FOCAD: variants seen among roughly 807,000 people sequenced by gnomAD.
FOCAD encodes KIAA1797.
FOCAD carries 198 observed loss-of-function variants against 225.6 expected under a neutral mutation model. The observed-to-expected ratio is 0.88, with a 90% CI of 0.78 to 0.99. The LOEUF is 0.99. FOCAD is among the 50% of genes least tolerant of loss of function. The pLI, the probability that FOCAD is intolerant of heterozygous loss-of-function variation, is 0.00. For synonymous variants in FOCAD, 897 were observed against 755.0 expected (o/e 1.19, Z -3.08); for missense variants, 2,713 against 2,123.6 (o/e 1.28, Z -5.46).
At chr9:20,855,639 T>C (rs1457386007) in intron 15 of FOCAD, among the ~76,000 whole-genome samples, 1 of 151,606 alleles carries the variant, frequency 6.6e-6, no homozygotes, top group Non-Finnish European at 1.5e-5. Flanking sequence ...TTTGAAAATA[T>C]AAAATAAATT....
chr9:20,760,897 A>G (rs918574823), intron 6 of FOCAD, among the ~76,000 whole-genome samples: 1 of 152,160 alleles, frequency 6.6e-6, no homozygotes, highest in African/African-American at 2.4e-5. Flanking sequence ...TAATGAGTAT[A>G]TGAGTAGCGA....
chr9:20,686,705 A>T (rs1047332651), intron 1 of FOCAD, among the ~76,000 whole-genome samples: 18 of 152,178 alleles, frequency 1.2e-4, no homozygotes, highest in African/African-American at 4.1e-4. Context: ...TCTTTAGGAG[A>T]TGAGAAATCT....
chr9:20,662,578 C>T (rs190810054), intron 2 of FOCAD, among the ~76,000 whole-genome samples: 1 of 152,184 alleles, frequency 6.6e-6, no homozygotes, highest in Non-Finnish European at 1.5e-5. Flanking sequence ...TTCCTCTCCC[C>T]ACTCCCCAAC....
rs201730341 is a variant in FOCAD at position 20,798,986 on chromosome 9, T to G, written c.1455+9378T>G. Among the ~76,000 whole-genome samples, 13 of 152,342 alleles carry G rather than the reference T, an allele frequency of 8.5e-5. No homozygotes were observed. The East Asian group carries it at 2.1e-3, about 25-fold the overall frequency. On this transcript the variant is annotated intron_variant, in intron 11 of 43. Coordinates refer to ENST00000338382, the MANE Select transcript of FOCAD (RefSeq NM_001375567.1). ...TCCTGCTTTCTCTTGTGGACATTTA[T>G]TGCTATAAATTTCCCTGTACACACT...
Position 20,770,784 on chromosome 9 carries a change from T to C in FOCAD, c.906+546T>C, listed in dbSNP as rs75983257. The stretch of plus-strand genomic sequence containing the variant: ...ATCTAATACCATTAGCGCATATTGC[T>C]ATTGCACTACTGGTAATATCATTTA... On this transcript the variant is annotated intron_variant, in intron 8 of 43. Coordinates refer to ENST00000338382, the MANE Select transcript of FOCAD (RefSeq NM_001375567.1). 7.7e-3 allele frequency among the ~76,000 whole-genome samples: 1,171 copies of C among 152,348 alleles called. 14 individuals are homozygous for C. The highest frequency in any genetic ancestry group is 0.027 in the African/African-American group (1,135 of 41,576).
Position 20,958,408 on chromosome 9 carries a change from A to T in FOCAD, c.4132+5343A>T, listed in dbSNP as rs1007885413. On this transcript the variant is annotated intron_variant, in intron 35 of 43. Coordinates refer to ENST00000338382, the MANE Select transcript of FOCAD (RefSeq NM_001375567.1). ...AGTAAATTTGAAATTTTTAAAAAAA[A>T]TTTTTAATTGATGAATAATTATACA... Among the ~76,000 whole-genome samples, 4 of 151,766 alleles carry T rather than the reference A, an allele frequency of 2.6e-5. No homozygotes were observed. The South Asian group carries it at 6.2e-4, about 24-fold the overall frequency.
At chr9:20,765,671 G>A (rs188942688) in intron 7 of FOCAD, among the ~76,000 whole-genome samples, 1 of 152,294 alleles carries the variant, frequency 6.6e-6, no homozygotes, top group Non-Finnish European at 1.5e-5. Flanking sequence ...CAGAGGTATG[G>A]ATAAAACACG....
intron 18 of FOCAD, among the ~76,000 whole-genome samples, chr9:20,867,364 C>A (rs530202207): frequency 6.6e-6 from 1 of 151,868 alleles, no homozygotes; most frequent in African/African-American, 2.4e-5. Flanking sequence ...ACCTGTGCAG[C>A]CAAAGATCTC....
chr9:20,919,603 C>G (rs534996826), intron 24 of FOCAD, among the ~76,000 whole-genome samples: 1 of 152,250 alleles, frequency 6.6e-6, no homozygotes, highest in South Asian at 2.1e-4. Flanking sequence ...GGAACTGGTA[C>G]CAAAACAGAG....
chr9:20,865,700 T>C (rs1829168851), intron 16 of FOCAD, among the ~76,000 whole-genome samples: 2 of 152,116 alleles, frequency 1.3e-5, no homozygotes, highest in South Asian at 4.1e-4. Flanking sequence ...TTTCTAAATT[T>C]CATTATCTTA....
chr9:20,800,880 G>C (rs943225080), intron 11 of FOCAD, among the ~76,000 whole-genome samples: 2 of 152,126 alleles, frequency 1.3e-5, no homozygotes, highest in Non-Finnish European at 2.9e-5. Context: ...GCTTTGTTCT[G>C]TTGCTGGTGA....
At chr9:20,900,300 C>T (rs1371218742) in intron 21 of FOCAD, among the ~76,000 whole-genome samples, 2 of 151,906 alleles carry the variant, frequency 1.3e-5, no homozygotes, top group Admixed American at 6.6e-5. Flanking sequence ...ATTTCCGCCT[C>T]AGCATTAGGT....
chr9:20,722,300 C>G (rs1268161140), intron 4 of FOCAD, among the ~76,000 whole-genome samples: 2 of 152,076 alleles, frequency 1.3e-5, no homozygotes, highest in African/African-American at 2.4e-5. Flanking sequence ...TGTTTCCCCC[C>G]ATGAACCCTC....
intron 42 of FOCAD, among the ~76,000 whole-genome samples, 166 bp from the exon 43 acceptor site, chr9:20,993,087 C>G (rs1463341606): frequency 6.6e-6 from 1 of 152,018 alleles, no homozygotes; most frequent in East Asian, 1.9e-4. Flanking sequence ...TGGTCCCTGT[C>G]TCATCTCCTC....
At chr9:20,715,919 G>C (rs1586925445) in intron 2 of FOCAD, among the ~76,000 whole-genome samples, 1 of 152,146 alleles carries the variant, frequency 6.6e-6, no homozygotes, top group Non-Finnish European at 1.5e-5. Context: ...TTAAAACAAA[G>C]ATGGCTTTCT....
chr9:20,974,542 C>T (rs1840062507), intron 35 of FOCAD, among the ~76,000 whole-genome samples: 2 of 136,464 alleles, frequency 1.5e-5, no homozygotes, highest in Admixed American at 1.5e-4. Context: ...CTTTCTGTAG[C>T]TGTTTTTTTC....
At position 20,713,360 on chromosome 9, in the gene FOCAD, C is replaced by G. The variant is rs149465076; in HGVS notation, c.-32-1962C>G. Among the ~76,000 whole-genome samples the G allele has an allele frequency of 7.0e-3, 1,064 of 152,302 alleles. 13 individuals are homozygous for G. Among genetic ancestry groups the G allele is most frequent in the African/African-American group, 0.022 (917 of 41,574 alleles). On this transcript the variant is annotated intron_variant, in intron 1 of 43. Transcript: ENST00000338382. Reference sequence around the variant, plus strand: ...AGGGCTTTTTCCTGTGCCTGTGACACTCTTCCGCCTAGATATCTGTTTGGC... The same window carrying G: ...AGGGCTTTTTCCTGTGCCTGTGACAGTCTTCCGCCTAGATATCTGTTTGGC...
At chr9:20,920,348 C>G (rs1299710906) in intron 24 of FOCAD, among the ~76,000 whole-genome samples, 2 of 129,968 alleles carry the variant, frequency 1.5e-5, no homozygotes, top group South Asian at 2.9e-4. Flanking sequence ...AATAGGAACA[C>G]TTTTACACTG....
Position 20,844,379 on chromosome 9 carries a change from G to C in FOCAD, c.1921-18199G>C, listed in dbSNP as rs555685775. 2.7e-3 allele frequency among the ~76,000 whole-genome samples: 12 copies of C among 4,460 alleles called. 1 individual carries two copies. The East Asian group carries it at 0.042, about 16-fold the overall frequency. 2.9% of individuals were successfully genotyped at this position (4,460 alleles called of 152,430 possible). On this transcript the variant is annotated intron_variant, in intron 15 of 43. Transcript: ENST00000338382. The stretch of plus-strand genomic sequence containing the variant: ...TTTTTTTTTTTTTTTTTTTTTTGTT[G>C]AGACAGAGTCTCACTGTGTCACTCA...
Sources: gnomAD v4.1 joint callset for allele counts (sites outside exome capture counted in the v4.1 genomes callset) on GRCh38, gnomAD v4.1.1 for gene constraint, MANE v1.5 for transcripts, NCBI Gene and HGNC (gene_info 2026-07-23, HGNC 2026-07-21) for gene names.